The following HECTD2 variants were observed in gnomAD, a reference collection of about 807,000 sequenced individuals.
The protein encoded by HECTD2 is HECT domain E3 ubiquitin protein ligase 2.
Under a neutral mutation model 103.2 loss-of-function variants are expected in HECTD2, and 35 were observed. The observed-to-expected ratio is 0.34, with a 90% CI of 0.26 to 0.45. The LOEUF (loss-of-function observed/expected upper bound fraction) is 0.45, where lower values mean the gene tolerates loss of function less well. Among genes scored for constraint, HECTD2 ranks in the 20% least tolerant of loss-of-function variants. The pLI, the probability that HECTD2 is intolerant of heterozygous loss-of-function variation, is 1.00. For synonymous variants in HECTD2, 281 were observed against 329.9 expected (o/e 0.85, Z 1.61); for missense variants, 596 against 937.4 (o/e 0.64, Z 4.76).
intron 13 of HECTD2, among the ~76,000 whole-genome samples, chr10:91,492,853 AT>A (rs1846531239): frequency 6.6e-6 from 1 of 152,110 alleles, no homozygotes; most frequent in Non-Finnish European, 1.5e-5. Flanking sequence ...AGCCTCTTTC[AT>A]TAATGGGTCA....
upstream of HECTD2, chr10:91,409,534 G>A (rs2132938591): frequency 6.5e-6 from 1 of 152,984 alleles, no homozygotes; most frequent in Admixed American, 6.5e-5. Context: ...GAAGGGAGAG[G>A]CGGATTTGGC....
chr10:91,451,665 TA>T (rs1325757320), intron 2 of HECTD2, among the ~76,000 whole-genome samples: 2 of 152,098 alleles, frequency 1.3e-5, no homozygotes, highest in Non-Finnish European at 2.9e-5. Flanking sequence ...TGCTGTTGTA[TA>T]AAAAAATTAG....
intron 11 of HECTD2, chr10:91,489,986 G>C (rs1435180307): frequency 6.6e-6 from 1 of 152,154 alleles, no homozygotes; most frequent in African/African-American, 2.4e-5. Flanking sequence ...ATATAAGCCT[G>C]TGGATTTTAT....
At chr10:91,412,606 C>G (rs1589450683) in intron 1 of HECTD2, among the ~76,000 whole-genome samples, 1 of 148,826 alleles carries the variant, frequency 6.7e-6, no homozygotes, top group African/African-American at 2.5e-5. Context: ...CTTTCAGAGT[C>G]AGTACCATTG....
At chr10:91,490,672 A>T (rs1331374503) in intron 11 of HECTD2, among the ~76,000 whole-genome samples, 1 of 151,714 alleles carries the variant, frequency 6.6e-6, no homozygotes, top group Non-Finnish European at 1.5e-5. Context: ...CGGGCGGATC[A>T]CGAGGTCAGG....
chr10:91,410,239 CCGCGGGGCTGGCGCG>C (rs1842853831), upstream of HECTD2: 1 of 152,486 alleles, frequency 6.6e-6, no homozygotes, highest in Non-Finnish European at 1.4e-5. Context: ...GGAGCCGCGT[CCGCGGGGCTGGCGCG>C]CGCGGGGGCG....
At chr10:91,434,395 G>A (rs1335697666) in intron 2 of HECTD2, among the ~76,000 whole-genome samples, 3 of 151,952 alleles carry the variant, frequency 2.0e-5, no homozygotes, top group East Asian at 1.9e-4. Context: ...GTACTCACAC[G>A]TTGTCAGTTA....
chr10:91,421,122 A>G (rs1315487966), intron 1 of HECTD2, among the ~76,000 whole-genome samples: 2 of 151,760 alleles, frequency 1.3e-5, no homozygotes, highest in Admixed American at 6.6e-5. Flanking sequence ...TTCATTTGTC[A>G]ATTTATTTTG....
At chr10:91,488,083 T>G (rs769478460) in intron 11 of HECTD2, 9 of 187,258 alleles carry the variant, frequency 4.8e-5, no homozygotes, top group Non-Finnish European at 7.8e-5. Context: ...ACCACCAACC[T>G]TAGATAACCA....
In HECTD2 at chr10:91,497,390, G is replaced by A. The variant is rs532285233; in HGVS notation, c.1681-718G>A. Among the ~76,000 whole-genome samples the A allele has an allele frequency of 1.9e-4, 28 of 146,124 alleles. No homozygotes were observed. The East Asian group carries it at 3.7e-3, about 19-fold the overall frequency. ...ACTGCAACCTCCACCTCCCAGGTCC[G>A]AGCAATTCTCCTGCCTCAGCCTCCC... is the stretch of plus-strand genomic sequence containing the variant. On this transcript the variant is annotated intron_variant, in intron 15 of 20. Transcript: ENST00000298068.
chr10:91,505,755 G>A (rs961957946), intron 20 of HECTD2, among the ~76,000 whole-genome samples: 1 of 152,006 alleles, frequency 6.6e-6, no homozygotes, highest in South Asian at 2.1e-4. Flanking sequence ...ATTGAACTCA[G>A]CTCCACACCA....
At chr10:91,425,121 C>CA (rs1381318179) in intron 1 of HECTD2, among the ~76,000 whole-genome samples, 160 bp from the exon 2 acceptor site, 2 of 151,900 alleles carry the variant, frequency 1.3e-5, no homozygotes, top group Non-Finnish European at 2.9e-5. Context: ...ATATGTGAGA[C>CA]AGTTAAGTCC....
At chr10:91,494,400 T>TA (rs143802686) in intron 14 of HECTD2, among the ~76,000 whole-genome samples, 17 of 151,928 alleles carry the variant, frequency 1.1e-4, no homozygotes, top group African/African-American at 1.4e-4. Context: ...ATGGTGAGAA[T>TA]AAAAAAGGCT....
intron 7 of HECTD2, among the ~76,000 whole-genome samples, chr10:91,481,770 A>G (rs1466917899): frequency 6.6e-6 from 1 of 151,848 alleles, no homozygotes; most frequent in Non-Finnish European, 1.5e-5. Context: ...TACTATTAAT[A>G]CATTTGCATT....
chr10:91,409,519 G>C (rs1285833660), upstream of HECTD2: 1 of 152,996 alleles, frequency 6.5e-6, no homozygotes, highest in Non-Finnish European at 1.5e-5. Context: ...GGCGCGTGGG[G>C]ACGGGAAGGG....
At chr10:91,482,337 A>G (rs573915045) in intron 7 of HECTD2, among the ~76,000 whole-genome samples, 4 of 151,918 alleles carry the variant, frequency 2.6e-5, no homozygotes, top group African/African-American at 2.4e-5. Flanking sequence ...AGAATTTTAT[A>G]TTTTGGAAAC....
rs1349929131 is a variant in HECTD2 at position 91,498,872 on chromosome 10, G to A, written c.1756G>A (p.Val586Ile). Reference protein sequence around the residue: ...VEEDFYSTFQVFQEEFGIIKS... With the variant: ...VEEDFYSTFQIFQEEFGIIKS... ...TATGTGTAATGGCATCTCCCATCAGGTTTTTCAAGAAGAATTTGGAATAAT... is the reference window on the plus strand; with the variant it reads ...TATGTGTAATGGCATCTCCCATCAGATTTTTCAAGAAGAATTTGGAATAAT... Residue 586 changes from valine (V) to isoleucine (I), a missense_variant and splice_region_variant, in exon 17 of 21, where the codon GTT becomes ATT. This residue lies in a region of HECTD2 where 303 missense variants were observed against 522.5 expected (regional missense o/e 0.58). Coordinates refer to ENST00000298068, the MANE Select transcript of HECTD2 (RefSeq NM_182765.6). The A allele has an allele frequency of 6.4e-7, 1 of 1,572,048 alleles. No homozygotes were observed. The highest frequency in any genetic ancestry group is 8.7e-7 in the Non-Finnish European group (1 of 1,146,486).
chr10:91,498,118 A>G lies in HECTD2; in HGVS notation c.1691A>G (p.His564Arg), dbSNP rs1846755758. 6.2e-7 allele frequency: 1 copy of G among 1,609,702 alleles called. No individual in the cohort carries two copies. The highest frequency in any genetic ancestry group is 1.7e-5 in the Admixed American group (1 of 60,014). Residue 564 changes from histidine (H) to arginine (R), a missense_variant, in exon 16 of 21, where the codon CAT (histidine) becomes CGT (arginine). His to Arg is a conservative substitution (Grantham distance 29, BLOSUM62 0). Transcript: ENST00000298068. ...DLCQIMPELA[H>R]GLSELLSHEG... The stretch of plus-strand genomic sequence containing the variant: ...GATTTCTTTTTATAGGAGTTGGCCC[A>G]TGGATTAAGTGAACTCTTATCACAT...
chr10:91,467,452 A>G (rs1216147860), intron 5 of HECTD2, among the ~76,000 whole-genome samples: 2 of 152,120 alleles, frequency 1.3e-5, no homozygotes, highest in Non-Finnish European at 2.9e-5. Context: ...AGATGGTGCC[A>G]GACCAATGTG....
Sources: gnomAD v4.1 joint callset for allele counts (sites outside exome capture counted in the v4.1 genomes callset) on GRCh38, gnomAD v4.1.1 for gene constraint, gnomAD v4.1.1 regional missense constraint, MANE v1.5 for transcripts, NCBI Gene and HGNC (gene_info 2026-07-23, HGNC 2026-07-21) for gene names.